SLC22A16: variants seen among roughly 807,000 people sequenced by gnomAD.
SLC22A16 encodes WUGSC:RG331P03.1.
In SLC22A16, 53 loss-of-function variants were observed where a neutral mutation model predicts 52.9. The observed-to-expected ratio is 1.00, with a 90% CI of 0.80 to 1.26. The LOEUF is 1.26. Among genes scored for constraint, SLC22A16 ranks in the 50% most tolerant of loss-of-function variants. The pLI is 0.00. For missense variants in SLC22A16, 726 were observed against 704.0 expected, an observed-to-expected ratio of 1.03 and a Z score of -0.35; for synonymous variants, 291 against 268.8, an observed-to-expected ratio of 1.08 and a Z score of -0.81.
chr6:110,466,063 C>G (rs1293622426), intron 1 of SLC22A16, among the ~76,000 whole-genome samples: 2 of 152,072 alleles, frequency 1.3e-5, no homozygotes, highest in Non-Finnish European at 1.5e-5. Flanking sequence ...ATAAATGGTG[C>G]TGGGAAAAAC....
At chr6:110,459,211 T>A (rs1465828643) in intron 1 of SLC22A16, among the ~76,000 whole-genome samples, 1 of 152,084 alleles carries the variant, frequency 6.6e-6, no homozygotes, top group African/African-American at 2.4e-5. Flanking sequence ...TCCTAAAGGG[T>A]GGGCTAGGCT....
At chr6:110,435,786 A>C (rs1034390298) in intron 6 of SLC22A16, 66 bp downstream of exon 6, 1 of 1,238,826 alleles carries the variant, frequency 8.1e-7, no homozygotes, top group Non-Finnish European at 1.1e-6. Context: ...GTAAAGGCCA[A>C]ATACAATGAA....
chr6:110,457,622 T>G (rs1178883489), intron 1 of SLC22A16, among the ~76,000 whole-genome samples: 1 of 152,196 alleles, frequency 6.6e-6, no homozygotes, highest in Non-Finnish European at 1.5e-5. Context: ...ACTCTTTATT[T>G]CAATACTATA....
intron 7 of SLC22A16, chr6:110,425,398 A>G (rs1241404761): frequency 7.5e-7 from 1 of 1,330,542 alleles, no homozygotes; most frequent in South Asian, 1.2e-5. Flanking sequence ...GTCAGAAAGA[A>G]AAAAGACACT....
At chr6:110,474,004 C>T (rs758860691) in intron 1 of SLC22A16, among the ~76,000 whole-genome samples, 1 of 152,096 alleles carries the variant, frequency 6.6e-6, no homozygotes, top group African/African-American at 2.4e-5. Flanking sequence ...CAGCGGCCAG[C>T]GAGCATTACT....
At chr6:110,460,224 G>A (rs1035186893) in intron 1 of SLC22A16, among the ~76,000 whole-genome samples, 3 of 152,098 alleles carry the variant, frequency 2.0e-5, no homozygotes, top group African/African-American at 7.2e-5. Context: ...CCTCAGCTCA[G>A]CAGTTCTCAC....
chr6:110,446,753 G>T, intron 3 of SLC22A16, 120 bp downstream of exon 3: 1 of 820,462 alleles, frequency 1.2e-6, no homozygotes, highest in Non-Finnish European at 2.0e-6. Context: ...TTCTGCAGTG[G>T]AGTGGACAAA....
At chr6:110,474,902 CAG>C (rs1349399708) in intron 1 of SLC22A16, 1 of 517,862 alleles carries the variant, frequency 1.9e-6, no homozygotes, top group Non-Finnish European at 3.9e-6. Context: ...CTAAAAAACA[CAG>C]GGGAACTAAG....
rs1042582362 is a variant in SLC22A16, at chr6:110,432,683, C to T, written c.1422-1413G>A. On this transcript the variant is annotated intron_variant, in intron 6 of 7. Transcript: ENST00000368919. ...GCCACAACGCAAGTTGGCAATTATGCAACTTCACTCTCTATTGCATTCAAC... is the reference window on the plus strand; with the variant it reads ...GCCACAACGCAAGTTGGCAATTATGTAACTTCACTCTCTATTGCATTCAAC... Among the ~76,000 whole-genome samples the T allele has an allele frequency of 5.9e-5, 9 of 152,178 alleles. No homozygotes were observed. The South Asian group carries it at 6.2e-4, about 10-fold the overall frequency.
intron 1 of SLC22A16, among the ~76,000 whole-genome samples, chr6:110,474,687 T>C (rs895507497): frequency 3.3e-5 from 5 of 152,230 alleles, no homozygotes; most frequent in Admixed American, 6.5e-5. Context: ...GCTGTCACCA[T>C]GGGTGCGCAG....
chr6:110,473,511 T>C (rs1362146173), intron 1 of SLC22A16, among the ~76,000 whole-genome samples: 1 of 58,254 alleles, frequency 1.7e-5, no homozygotes, highest in Non-Finnish European at 3.0e-5. Context: ...TTTTTTTTTT[T>C]TTTTTTTTTT....
intron 1 of SLC22A16, among the ~76,000 whole-genome samples, chr6:110,466,601 C>T (rs948275960): frequency 2.0e-5 from 3 of 151,940 alleles, no homozygotes; most frequent in South Asian, 4.1e-4. Context: ...TTCAGAATAG[C>T]TATTATTAAA....
At chr6:110,440,777 CA>C (rs1359831367) in intron 4 of SLC22A16, among the ~76,000 whole-genome samples, 6 of 145,584 alleles carry the variant, frequency 4.1e-5, no homozygotes, top group Admixed American at 6.8e-5. Context: ...ACTCCTTTTC[CA>C]AAAAAAAAAG....
At chr6:110,461,901 T>C (rs6568647) in intron 1 of SLC22A16, among the ~76,000 whole-genome samples, 52,466 of 152,128 alleles carry the variant, frequency 0.34, 10,300 homozygotes, top group African/African-American at 0.54. Context: ...TCCAATTTCA[T>C]GCTGCTGATA....
intron 1 of SLC22A16, among the ~76,000 whole-genome samples, chr6:110,458,955 C>A (rs889285671): frequency 6.6e-6 from 1 of 152,074 alleles, no homozygotes; most frequent in Non-Finnish European, 1.5e-5. Context: ...GCCTTTATAA[C>A]CATGTAAGCC....
rs189814224 is a variant in SLC22A16, at chr6:110,458,187, G to C, written c.54-1170C>G. 3.8e-3 allele frequency among the ~76,000 whole-genome samples: 572 copies of C among 152,166 alleles called. 6 individuals are homozygous for C. The highest frequency in any genetic ancestry group is 0.013 in the African/African-American group (559 of 41,520). ...TCTCCCCGCCTCGGTTGCCAAACAG[G>C]GAAGGGCCCCCTGTCCACTGGACAC... On this transcript the variant is annotated intron_variant, in intron 1 of 7. Coordinates refer to ENST00000368919, the MANE Select transcript of SLC22A16 (RefSeq NM_033125.4).
intron 3 of SLC22A16, among the ~76,000 whole-genome samples, chr6:110,442,983 A>G (rs1775036454): frequency 1.3e-5 from 2 of 152,166 alleles, no homozygotes; most frequent in South Asian, 4.1e-4. Context: ...TCCCCACCCC[A>G]AATGGCAAAA....
At position 110,438,794 on chromosome 6, in the gene SLC22A16, C is replaced by A; in HGVS notation, c.1237G>T (p.Gly413Trp). 1 of 1,614,132 alleles carries A rather than the reference C, an allele frequency of 6.2e-7. No individual in the cohort carries two copies. The highest frequency in any genetic ancestry group is 8.5e-7 in the Non-Finnish European group (1 of 1,180,024). ...GAGTAGGCCAGGACTGTTCTCCTCCCGACCTTGTCCATGGCGATGCACACG... is the reference window on the plus strand; with the variant it reads ...GAGTAGGCCAGGACTGTTCTCCTCCAGACCTTGTCCATGGCGATGCACACG... ...TFVCIAMDKVGRRTVLAYSLF... is the reference protein window; with the variant it reads ...TFVCIAMDKVWRRTVLAYSLF... Residue 413 changes from glycine to tryptophan, a missense_variant, in exon 5 of 8, where the codon GGG (glycine) becomes TGG (tryptophan). Transcript: ENST00000368919.
chr6:110,454,638 AT>A (rs1179379660), intron 2 of SLC22A16, among the ~76,000 whole-genome samples: 12 of 50,624 alleles, frequency 2.4e-4, no homozygotes, highest in African/African-American at 3.4e-4. Flanking sequence ...ATTTATATAT[AT>A]TATATATTTT....
Sources: gnomAD v4.1 joint callset for allele counts (sites outside exome capture counted in the v4.1 genomes callset) on GRCh38, gnomAD v4.1.1 for gene constraint, MANE v1.5 for transcripts, NCBI Gene and HGNC (gene_info 2026-07-23, HGNC 2026-07-21) for gene names.